Variants in SND1 observed in about 807,000 individuals in gnomAD.
The protein encoded by SND1 is staphylococcal nuclease and tudor domain containing 1.
Under a neutral mutation model 121.7 loss-of-function variants are expected in SND1, and 38 were observed. The ratio of observed to expected loss-of-function variants is 0.31; its 90% CI spans 0.24 to 0.41. SND1 has a LOEUF of 0.41. Among genes scored for constraint, SND1 ranks in the 10% least tolerant of loss-of-function variants. The probability of loss-of-function intolerance (pLI) is 1.00; values close to 1 mark genes in which losing one functional copy is unlikely to be tolerated. For synonymous variants in SND1, 401 were observed against 447.4 expected, an observed-to-expected ratio of 0.90 and a Z score of 1.31; for missense variants, 868 against 1,184.6, an observed-to-expected ratio of 0.73 and a Z score of 3.92.
intron 16 of SND1, chr7:128,030,709 G>A (rs1203560001): frequency 6.7e-7 from 1 of 1,499,840 alleles, no homozygotes; most frequent in Non-Finnish European, 8.9e-7. Context: ...GCCCTACCCC[G>A]GCTTAAGTGA....
At chr7:127,773,363 A>T (rs1797551546) in intron 10 of SND1, among the ~76,000 whole-genome samples, 1 of 152,144 alleles carries the variant, frequency 6.6e-6, no homozygotes, top group South Asian at 2.1e-4. Flanking sequence ...GAGGTAGAGG[A>T]ATCGCGTGAA....
chr7:127,762,753 G>A (rs747869449), intron 10 of SND1, among the ~76,000 whole-genome samples: 5 of 152,166 alleles, frequency 3.3e-5, no homozygotes, highest in African/African-American at 4.8e-5. Flanking sequence ...TCTGAAGCAA[G>A]CTTGACACTC....
At chr7:127,947,579 C>T (rs527544685) in intron 15 of SND1, among the ~76,000 whole-genome samples, 29 of 152,050 alleles carry the variant, frequency 1.9e-4, no homozygotes, top group African/African-American at 2.4e-4. Flanking sequence ...CTCAAGGTGG[C>T]GCTTCCCAAG....
In SND1 at chr7:128,003,816, C is replaced by G. The variant is rs533351725; in HGVS notation, c.1779+12760C>G. On this transcript the variant is annotated intron_variant, in intron 16 of 23. Coordinates refer to ENST00000354725, the MANE Select transcript of SND1 (RefSeq NM_014390.4). ...GAGGGGACTGGTGTTTGCTAAATAG[C>G]TGTATCTTACCATCATGCCCTTTCA... Among the ~76,000 whole-genome samples, 15 of 152,284 alleles carry G rather than the reference C, an allele frequency of 9.9e-5. No homozygotes were observed. In the East Asian group the frequency reaches 2.7e-3, roughly 27 times the overall value.
At chr7:128,007,494 C>T (rs1335736856) in intron 16 of SND1, among the ~76,000 whole-genome samples, 1 of 152,230 alleles carries the variant, frequency 6.6e-6, no homozygotes, top group African/African-American at 2.4e-5. Context: ...GCAAATAGTC[C>T]TGCTCCACTG....
rs1274673288 is a variant in SND1 at position 127,704,840 on chromosome 7, A to G, written c.842A>G (p.Asn281Ser). ...QNILGTILHPNGNITELLLKE... is the reference protein window; with the variant it reads ...QNILGTILHPSGNITELLLKE... Reference sequence around the variant, plus strand: ...CCTCTCATGTACCTTGTTTTTCAGAATGGCAACATCACAGAGCTCCTCCTG... The same window carrying G: ...CCTCTCATGTACCTTGTTTTTCAGAGTGGCAACATCACAGAGCTCCTCCTG... Residue 281 changes from asparagine to serine, a missense_variant and splice_region_variant, in exon 8 of 24, where the codon AAT (asparagine) becomes AGT (serine). By Grantham distance (46) the Asn-to-Ser change is conservative. Around this residue, in one of 2 missense-constraint regions of SND1, gnomAD observed 743 missense variants for 1,071.3 expected, o/e 0.69. Coordinates refer to ENST00000354725, the MANE Select transcript of SND1 (RefSeq NM_014390.4). The G allele has an allele frequency of 1.2e-6, 2 of 1,613,520 alleles. No homozygotes were observed. Among genetic ancestry groups the G allele is most frequent in the African/African-American group, 2.7e-5 (2 of 74,918 alleles).
At position 128,038,524 on chromosome 7, in the gene SND1, G is replaced by A. The variant is rs575047572; in HGVS notation, c.1780-35978G>A. ...CGTAGCATCTATTATTTTCTAATAC[G>A]GAAACCGGTATAGAAGAGGCTGTCT... On this transcript the variant is annotated intron_variant, in intron 16 of 23. Coordinates refer to ENST00000354725, the MANE Select transcript of SND1 (RefSeq NM_014390.4). Among the ~76,000 whole-genome samples the A allele has an allele frequency of 4.6e-5, 7 of 152,304 alleles. No homozygotes were observed. In the South Asian group the frequency reaches 1.0e-3, roughly 23 times the overall value.
chr7:127,913,796 A>C (rs368661373), intron 14 of SND1, among the ~76,000 whole-genome samples: 1 of 152,170 alleles, frequency 6.6e-6, no homozygotes, highest in African/African-American at 2.4e-5. Context: ...TCATAACACT[A>C]CTTAGCCTTG....
chr7:127,960,276 T>C (rs1164414470), intron 15 of SND1, among the ~76,000 whole-genome samples: 1 of 152,230 alleles, frequency 6.6e-6, no homozygotes, highest in Non-Finnish European at 1.5e-5. Flanking sequence ...CTAAGACAGA[T>C]AGTAAGTGCA....
chr7:128,020,041 G>A (rs1409917280), intron 16 of SND1, among the ~76,000 whole-genome samples: 5 of 152,204 alleles, frequency 3.3e-5, no homozygotes, highest in Non-Finnish European at 5.9e-5. Flanking sequence ...GTCATGTTGG[G>A]ATAGATGTTA....
At chr7:127,916,611 C>T (rs1425656610) in intron 14 of SND1, among the ~76,000 whole-genome samples, 1 of 152,130 alleles carries the variant, frequency 6.6e-6, no homozygotes, top group Non-Finnish European at 1.5e-5. Context: ...AGTGTTTGAA[C>T]AAACAGACTT....
At chr7:127,765,035 A>G (rs1797387041) in intron 10 of SND1, among the ~76,000 whole-genome samples, 1 of 152,190 alleles carries the variant, frequency 6.6e-6, no homozygotes, top group African/African-American at 2.4e-5. Context: ...CGAGTTGGTA[A>G]CATTCTCTTT....
intron 23 of SND1, 53 bp from the exon 24 acceptor site, chr7:128,091,940 A>T: frequency 6.2e-7 from 1 of 1,613,716 alleles, no homozygotes; most frequent in Non-Finnish European, 8.5e-7. Flanking sequence ...TGGCCCTCTG[A>T]GTTCCGGTGG....
intron 1 of SND1, among the ~76,000 whole-genome samples, chr7:127,654,265 A>G (rs1042167355): frequency 2.0e-5 from 3 of 152,226 alleles, no homozygotes; most frequent in African/African-American, 7.2e-5. Context: ...TGTGCTGACT[A>G]TTCTGCTCAT....
intron 16 of SND1, among the ~76,000 whole-genome samples, chr7:128,038,018 A>T (rs767021467): frequency 2.0e-5 from 3 of 152,242 alleles, no homozygotes; most frequent in Admixed American, 6.5e-5. Context: ...ATTGGAGATT[A>T]AGGGATACCT....
chr7:128,084,621 G>GA, intron 18 of SND1, 103 bp from the exon 19 acceptor site: 1 of 1,339,176 alleles, frequency 7.5e-7, no homozygotes, highest in Non-Finnish European at 1.0e-6. Flanking sequence ...GTGCCCCCCA[G>GA]AATTTTACAT....
At chr7:128,007,920 G>A (rs1803022480) in intron 16 of SND1, 1 of 152,176 alleles carries the variant, frequency 6.6e-6, no homozygotes, top group Admixed American at 6.6e-5. Context: ...CAGTAAATGA[G>A]AAAACTGAGG....
chr7:127,768,585 A>G (rs1797459775), intron 10 of SND1, among the ~76,000 whole-genome samples: 1 of 152,196 alleles, frequency 6.6e-6, no homozygotes, highest in Non-Finnish European at 1.5e-5. Context: ...CTTTGTGTGA[A>G]CATCCCTGTG....
chr7:127,771,154 A>G (rs1272971211), intron 10 of SND1, among the ~76,000 whole-genome samples: 1 of 152,208 alleles, frequency 6.6e-6, no homozygotes, highest in African/African-American at 2.4e-5. Flanking sequence ...AGGATCATAC[A>G]TCAAACAGAG....
Sources: allele counts gnomAD v4.1 joint callset (sites outside exome capture counted in the v4.1 genomes callset), GRCh38; gene constraint gnomAD v4.1.1; regional missense constraint gnomAD v4.1.1; transcripts MANE v1.5; gene names NCBI Gene and HGNC (gene_info 2026-07-23, HGNC 2026-07-21).